Variants in CSPP1 observed in about 807,000 individuals in gnomAD.
The protein encoded by CSPP1 is centrosome and spindle pole associated protein 1.
Under a neutral mutation model 164.4 loss-of-function variants are expected in CSPP1, and 126 were observed. The observed-to-expected ratio is 0.77, with a 90% CI of 0.66 to 0.89. CSPP1 has a LOEUF of 0.89. Among genes scored for constraint, CSPP1 ranks in the 40% least tolerant of loss-of-function variants. CSPP1 has a pLI of 0.00. For missense variants in CSPP1, 1,395 were observed against 1,449.8 expected (o/e 0.96, Z 0.61); for synonymous variants, 472 against 476.7 (o/e 0.99, Z 0.13).
intron 4 of CSPP1, among the ~76,000 whole-genome samples, chr8:67,086,557 A>G (rs1453059606): frequency 6.6e-6 from 1 of 152,110 alleles, no homozygotes; most frequent in Non-Finnish European, 1.5e-5. Flanking sequence ...TTGTTTTATG[A>G]TCTCATGTTT....
chr8:67,095,482 GA>G lies in CSPP1; in HGVS notation c.675del (p.Glu225AspfsTer2). On this transcript the variant is annotated frameshift_variant, in exon 7 of 31. Coordinates refer to ENST00000678616, the MANE Select transcript of CSPP1 (RefSeq NM_001382391.1). LOFTEE classifies it high-confidence loss of function. ...ATACCGACAACTAGATGATGAAATC[GA>G]ATTAAGGAATAGAAGAATTATTAAA... is the stretch of plus-strand genomic sequence containing the variant. ...DRYRQLDDEI[E>X]LRNRRIIKKA... is the part of the protein sequence containing the mutation. 1 of 1,613,178 alleles carries G rather than the reference GA, an allele frequency of 6.2e-7. No homozygotes were observed. Among genetic ancestry groups the G allele is most frequent in the Non-Finnish European group, 8.5e-7 (1 of 1,179,744 alleles).
chr8:67,066,834 G>C (rs574985885), intron 1 of CSPP1, among the ~76,000 whole-genome samples: 1 of 152,186 alleles, frequency 6.6e-6, no homozygotes, highest in South Asian at 2.1e-4. Flanking sequence ...TGTTACCCAT[G>C]CTGGAGTGCA....
chr8:67,149,091 T>C (rs891074614), intron 17 of CSPP1, among the ~76,000 whole-genome samples: 6 of 152,172 alleles, frequency 3.9e-5, no homozygotes, highest in East Asian at 1.9e-4. Context: ...ATTTTCAATA[T>C]GGCTCCCTCA....
intron 12 of CSPP1, chr8:67,114,775 G>A (rs1817586925): frequency 6.6e-6 from 1 of 152,112 alleles, no homozygotes; most frequent in African/African-American, 2.4e-5. Flanking sequence ...TAATATGTTG[G>A]CATGTTAAAT....
intron 7 of CSPP1, among the ~76,000 whole-genome samples, chr8:67,098,586 G>A (rs1398788746): frequency 6.6e-6 from 1 of 151,284 alleles, no homozygotes; most frequent in African/African-American, 2.4e-5. Flanking sequence ...GTGTGTATGT[G>A]TGTTGTTTAT....
intron 19 of CSPP1, among the ~76,000 whole-genome samples, chr8:67,155,518 G>A (rs1826496689): frequency 6.6e-6 from 1 of 152,172 alleles, no homozygotes; most frequent in African/African-American, 2.4e-5. Context: ...ATATTAGGCT[G>A]GGTGTGGTGG....
intron 14 of CSPP1, 115 bp from the exon 15 acceptor site, chr8:67,118,628 A>G (rs1818390146): frequency 2.6e-6 from 2 of 768,712 alleles, no homozygotes; most frequent in African/African-American, 1.8e-5. Context: ...GGAAATATTG[A>G]TGGTTTTCTC....
Position 67,064,536 on chromosome 8 carries a change from G to A in CSPP1, c.-13G>A, listed in dbSNP as rs1445343380. 6.2e-7 allele frequency: 1 copy of A among 1,608,152 alleles called. No homozygotes were observed. The highest frequency in any genetic ancestry group is 2.2e-5 in the East Asian group (1 of 44,734). ...GCCGCGGATGGGGAGCGTGAGTGGC[G>A]AGGTGTGGCCTGGGGTGGTGTAGGT... On this transcript the variant is annotated splice_region_variant and 5_prime_UTR_variant, in exon 1 of 31. Coordinates refer to ENST00000678616, the MANE Select transcript of CSPP1 (RefSeq NM_001382391.1).
chr8:67,158,101 A>G (rs560844428), intron 19 of CSPP1, among the ~76,000 whole-genome samples: 19 of 152,348 alleles, frequency 1.2e-4, no homozygotes, highest in Non-Finnish European at 2.4e-4. Flanking sequence ...AGAACCTTCT[A>G]TATAGGAGGA....
At chr8:67,195,285 T>C (rs1326220263) in intron 30 of CSPP1, 97 bp from the exon 31 acceptor site, 1 of 796,624 alleles carries the variant, frequency 1.3e-6, no homozygotes, top group Non-Finnish European at 2.3e-6. Context: ...TGTGGGGAAA[T>C]GCTGAGTTGT....
intron 15 of CSPP1, among the ~76,000 whole-genome samples, chr8:67,120,086 T>C (rs1264647804): frequency 6.6e-6 from 1 of 152,216 alleles, no homozygotes; most frequent in East Asian, 1.9e-4. Context: ...ATTTTGTATG[T>C]GGATATTCAG....
In CSPP1 at chr8:67,112,064, C is replaced by A; in HGVS notation, c.1186C>A (p.Arg396=). 1.2e-6 allele frequency: 2 copies of A among 1,601,822 alleles called. No homozygotes were observed. The highest frequency in any genetic ancestry group is 2.2e-5 in the East Asian group (1 of 44,456). The change falls in exon 10 of 31, where the codon CGA becomes AGA. Residue 396 remains arginine, a splice_region_variant and synonymous_variant. Coordinates refer to ENST00000678616, the MANE Select transcript of CSPP1 (RefSeq NM_001382391.1). ...QMAEQQRNKR[R]EKDLELRVAA... Reference sequence around the variant, plus strand: ...GGCTGAGCAACAGAGGAACAAGAGACGGTAATGAAAGGTTTGCATTTAAAA... The same window carrying A: ...GGCTGAGCAACAGAGGAACAAGAGAAGGTAATGAAAGGTTTGCATTTAAAA...
chr8:67,112,086 A>G (rs750147148), intron 10 of CSPP1, 21 bp downstream of exon 10: 1 of 1,554,172 alleles, frequency 6.4e-7, no homozygotes. Context: ...GTTTGCATTT[A>G]AAAGAGATAT....
chr8:67,192,839 A>C (rs1836758111), intron 29 of CSPP1, among the ~76,000 whole-genome samples: 1 of 152,192 alleles, frequency 6.6e-6, no homozygotes, highest in Admixed American at 6.5e-5. Flanking sequence ...TTAATCTTCC[A>C]TTGATCTACA....
intron 10 of CSPP1, 39 bp from the exon 11 acceptor site, chr8:67,113,766 C>T: frequency 9.4e-7 from 1 of 1,062,836 alleles, no homozygotes; most frequent in Non-Finnish European, 1.4e-6. Flanking sequence ...TGATAGTTTA[C>T]TATATCTTTT....
intron 23 of CSPP1, among the ~76,000 whole-genome samples, chr8:67,164,159 C>A (rs1828883715): frequency 6.6e-6 from 1 of 152,136 alleles, no homozygotes; most frequent in African/African-American, 2.4e-5. Context: ...AGTTGCACTC[C>A]CCCAAGAATA....
chr8:67,065,588 C>T, intron 1 of CSPP1: 1 of 817,022 alleles, frequency 1.2e-6, no homozygotes, highest in Non-Finnish European at 1.5e-6. Context: ...CGCTAGCTTT[C>T]TGGTGATTAA....
chr8:67,193,646 A>G (rs1419794661), intron 30 of CSPP1, 44 bp downstream of exon 30: 15 of 1,544,326 alleles, frequency 9.7e-6, no homozygotes, highest in Admixed American at 1.7e-5. Flanking sequence ...TCCTGTATGA[A>G]CTTTTAAACT....
At chr8:67,093,372 G>A (rs1027691100) in intron 5 of CSPP1, among the ~76,000 whole-genome samples, 171 bp from the exon 6 acceptor site, 3 of 152,120 alleles carry the variant, frequency 2.0e-5, no homozygotes, top group East Asian at 1.9e-4. Context: ...AACCTCTTCC[G>A]ACTTCTCCCA....
Sources: gnomAD v4.1 joint callset for allele counts (sites outside exome capture counted in the v4.1 genomes callset) on GRCh38, gnomAD v4.1.1 for gene constraint, MANE v1.5 for transcripts, NCBI Gene and HGNC (gene_info 2026-07-23, HGNC 2026-07-21) for gene names.